RARB: variants seen among roughly 807,000 people sequenced by gnomAD.
RARB encodes HBV-activated protein.
Under a neutral mutation model 51.9 loss-of-function variants are expected in RARB, and 17 were observed. The observed-to-expected ratio is 0.33, with a 90% confidence interval of 0.22 to 0.49. RARB has a LOEUF of 0.49. Among genes scored for constraint, RARB ranks in the 20% least tolerant of loss-of-function variants. RARB has a pLI of 0.99. For synonymous variants in RARB, 215 were observed against 195.4 expected (o/e 1.10, Z -0.84); for missense variants, 369 against 550.8 (o/e 0.67, Z 3.30).
chr3:24,992,626 A>G (rs1042221282), intron 2 of RARB, among the ~76,000 whole-genome samples: 2 of 152,210 alleles, frequency 1.3e-5, no homozygotes, highest in African/African-American at 4.8e-5. Context: ...TTGAAGTCCA[A>G]GGTCAAAATC....
chr3:25,443,263 C>T (rs1452274722), intron 1 of RARB, among the ~76,000 whole-genome samples: 1 of 152,030 alleles, frequency 6.6e-6, no homozygotes, highest in African/African-American at 2.4e-5. Flanking sequence ...TAAGTAAGCC[C>T]TTATAAGTGC....
chr3:24,973,020 C>A (rs908655477), intron 2 of RARB, among the ~76,000 whole-genome samples: 1 of 151,920 alleles, frequency 6.6e-6, no homozygotes, highest in Non-Finnish European at 1.5e-5. Context: ...GTTGCCTGTG[C>A]TTTTAAGGTT....
chr3:24,889,686 G>GTGTGTGTGTGTA (rs1553611147), intron 2 of RARB, among the ~76,000 whole-genome samples: 3 of 133,856 alleles, frequency 2.2e-5, no homozygotes, highest in Non-Finnish European at 4.7e-5. Flanking sequence ...GTGTGTGTGT[G>GTGTGTGTGTGTA]TGTGTGTGTG....
At chr3:25,136,143 T>C (rs1292447599) in intron 4 of RARB, among the ~76,000 whole-genome samples, 1 of 151,898 alleles carries the variant, frequency 6.6e-6, no homozygotes, top group East Asian at 1.9e-4. Flanking sequence ...GATTTATTGG[T>C]CCATTGATCC....
chr3:24,889,525 A>T lies in RARB; in HGVS notation c.-380+30773A>T, dbSNP rs116342606. Among the ~76,000 whole-genome samples, 1,131 of 152,286 alleles carry T rather than the reference A, an allele frequency of 7.4e-3. 13 individuals are homozygous for T. Among genetic ancestry groups the T allele is most frequent in the African/African-American group, 0.025 (1,059 of 41,566 alleles). On this transcript the variant is annotated intron_variant, in intron 2 of 11. Transcript: ENST00000383772. ...AAGAAATTTTTACATTGATGAAATT[A>T]TATGGTACACATCTTTGCCAATTTT...
At chr3:25,328,195 G>C (rs1016759447) in intron 5 of RARB, among the ~76,000 whole-genome samples, 6 of 152,236 alleles carry the variant, frequency 3.9e-5, no homozygotes, top group Admixed American at 3.3e-4. Context: ...TGGCAACCTA[G>C]AGATCAGGAT....
chr3:25,223,830 G>A (rs774534036), intron 5 of RARB, among the ~76,000 whole-genome samples: 8 of 152,144 alleles, frequency 5.3e-5, no homozygotes, highest in Admixed American at 1.3e-4. Flanking sequence ...ACTATCACCC[G>A]AGTATTTTAA....
At chr3:25,148,698 G>A (rs1053583027) in intron 4 of RARB, among the ~76,000 whole-genome samples, 1 of 152,176 alleles carries the variant, frequency 6.6e-6, no homozygotes, top group African/African-American at 2.4e-5. Context: ...GTTTCCTCAT[G>A]TGTAAAGAGT....
intron 5 of RARB, among the ~76,000 whole-genome samples, chr3:25,338,397 G>A (rs910799883): frequency 6.6e-6 from 1 of 152,136 alleles, no homozygotes; most frequent in Non-Finnish European, 1.5e-5. Context: ...GTGGGCTGTT[G>A]TCTAAATTGA....
intron 2 of RARB, among the ~76,000 whole-genome samples, chr3:24,886,178 T>G (rs1388306609): frequency 2.0e-5 from 3 of 152,192 alleles, no homozygotes; most frequent in Admixed American, 2.0e-4. Context: ...GGCATTTCTT[T>G]TCTGTGAGGC....
chr3:25,127,767 AATT>A (rs1699885116), intron 3 of RARB, among the ~76,000 whole-genome samples: 2 of 152,062 alleles, frequency 1.3e-5, no homozygotes, highest in Admixed American at 1.3e-4. Context: ...TGGTACTAGA[AATT>A]ATTATTTTCC....
At chr3:25,111,346 T>G (rs1699597281) in intron 3 of RARB, among the ~76,000 whole-genome samples, 1 of 152,178 alleles carries the variant, frequency 6.6e-6, no homozygotes, top group Non-Finnish European at 1.5e-5. Flanking sequence ...TCTTGACCAC[T>G]GTTGGTATTA....
chr3:25,492,662 C>T lies in RARB; in HGVS notation c.307-8520C>T, dbSNP rs192614488. 3.8e-4 allele frequency among the ~76,000 whole-genome samples: 57 copies of T among 150,170 alleles called. 1 individual carries two copies. The highest frequency in any genetic ancestry group is 3.6e-3 in the Middle Eastern group (1 of 274). Reference sequence around the variant, plus strand: ...GAAAATGCTGTAATCATATTCTTCTCGAAAGATTAGCTTTACAGTGATGAT... The same window carrying T: ...GAAAATGCTGTAATCATATTCTTCTTGAAAGATTAGCTTTACAGTGATGAT... On this transcript the variant is annotated intron_variant, in intron 2 of 7. Coordinates refer to ENST00000330688, the MANE Select transcript of RARB (RefSeq NM_000965.5).
chr3:25,343,902 G>A (rs1369874653), intron 5 of RARB, among the ~76,000 whole-genome samples: 2 of 152,140 alleles, frequency 1.3e-5, no homozygotes, highest in East Asian at 3.8e-4. Context: ...AAAGAGGATG[G>A]CAGCTCAGAA....
intron 5 of RARB, among the ~76,000 whole-genome samples, chr3:25,365,772 T>A (rs186110589): frequency 3.9e-5 from 6 of 152,316 alleles, no homozygotes; most frequent in African/African-American, 1.4e-4. Context: ...CTCACAACCA[T>A]GGAGACCTCA....
chr3:25,243,486 A>G (rs1702481402), intron 5 of RARB, among the ~76,000 whole-genome samples: 1 of 152,142 alleles, frequency 6.6e-6, no homozygotes, highest in Admixed American at 6.5e-5. Context: ...ATGTTTCATT[A>G]ATACCTAGTT....
intron 3 of RARB, among the ~76,000 whole-genome samples, chr3:25,118,383 G>C (rs1699726062): frequency 6.6e-6 from 1 of 152,234 alleles, no homozygotes; most frequent in South Asian, 2.1e-4. Flanking sequence ...GGAATGTGGA[G>C]TATCTCTTTC....
chr3:25,264,847 C>G (rs1703088163), intron 5 of RARB, among the ~76,000 whole-genome samples: 1 of 152,120 alleles, frequency 6.6e-6, no homozygotes, highest in Admixed American at 6.6e-5. Flanking sequence ...ATTTGTACTC[C>G]TTGAAGACAT....
At chr3:25,311,287 G>A (rs1030569134) in intron 5 of RARB, among the ~76,000 whole-genome samples, 1 of 152,336 alleles carries the variant, frequency 6.6e-6, no homozygotes, top group Non-Finnish European at 1.5e-5. Context: ...CAAGTACAAA[G>A]AATGGGAGTG....
Sources: allele counts gnomAD v4.1 joint callset (sites outside exome capture counted in the v4.1 genomes callset), GRCh38; gene constraint gnomAD v4.1.1; transcripts MANE v1.5; gene names NCBI Gene and HGNC (gene_info 2026-07-23, HGNC 2026-07-21).